The following ST6GALNAC3 variants were observed in gnomAD, a reference collection of about 807,000 sequenced individuals.
ST6GALNAC3 encodes ST6 N-acetylgalactosaminide alpha-2,6-sialyltransferase 3, also known as alpha-N-acetylgalactosaminide alpha-2,6-sialyltransferase 3.
In ST6GALNAC3, 25 loss-of-function variants were observed where a neutral mutation model predicts 32.7. The ratio of observed to expected loss-of-function variants is 0.76; its 90% CI spans 0.56 to 1.07. ST6GALNAC3 has a LOEUF of 1.07. Ranked by LOEUF, ST6GALNAC3 falls within the 50% of genes least tolerant of loss-of-function variation. The pLI is 0.00. For missense variants in ST6GALNAC3, 355 were observed against 382.4 expected, an observed-to-expected ratio of 0.93 and a Z score of 0.60; for synonymous variants, 129 against 133.1, an observed-to-expected ratio of 0.97 and a Z score of 0.21.
intron 1 of ST6GALNAC3, among the ~76,000 whole-genome samples, chr1:76,162,994 A>G (rs1259165771): frequency 1.3e-5 from 2 of 152,180 alleles, no homozygotes; most frequent in Non-Finnish European, 2.9e-5. Flanking sequence ...GAGCTGAGAA[A>G]AGTCCTGCGT....
At chr1:76,351,938 G>T (rs1490147746) in intron 2 of ST6GALNAC3, among the ~76,000 whole-genome samples, 1 of 152,072 alleles carries the variant, frequency 6.6e-6, no homozygotes. Flanking sequence ...AGGTTGGGGT[G>T]GGGGAAGGTC....
Position 76,547,147 on chromosome 1 carries a change from CT to C in ST6GALNAC3, c.624-80304del, listed in dbSNP as rs1012721671. Among the ~76,000 whole-genome samples the C allele has an allele frequency of 3.9e-4, 59 of 152,334 alleles. 1 individual carries two copies. The highest frequency in any genetic ancestry group is 1.4e-3 in the African/African-American group (59 of 41,586). On this transcript the variant is annotated intron_variant, in intron 3 of 4. Transcript: ENST00000328299. ...TTCTTCCAAGCCATAGGCTTCTTGC[CT>C]AAACCAGCACTCTGCCTACGCAGGT...
intron 1 of ST6GALNAC3, among the ~76,000 whole-genome samples, chr1:76,238,029 C>A (rs1165001698): frequency 1.3e-5 from 2 of 152,218 alleles, no homozygotes; most frequent in African/African-American, 4.8e-5. Flanking sequence ...TCCTGTCAAA[C>A]TGTCCAACAA....
At chr1:76,316,058 T>C (rs1477859573) in intron 2 of ST6GALNAC3, among the ~76,000 whole-genome samples, 1 of 150,130 alleles carries the variant, frequency 6.7e-6, no homozygotes, top group Non-Finnish European at 1.5e-5. Context: ...GAAAAATATT[T>C]AAAAATCACA....
intron 1 of ST6GALNAC3, among the ~76,000 whole-genome samples, chr1:76,226,907 C>G (rs1656108469): frequency 1.3e-5 from 2 of 152,156 alleles, no homozygotes; most frequent in South Asian, 4.1e-4. Context: ...GAAACTTTAT[C>G]AACTGGATTC....
chr1:76,434,784 GTTTTTTTTTTTTT>G (rs1211703628), intron 3 of ST6GALNAC3, among the ~76,000 whole-genome samples: 9 of 72,214 alleles, frequency 1.2e-4, no homozygotes, highest in African/African-American at 5.1e-4. Flanking sequence ...TTTTTTCTCT[GTTTTTTTTTTTTT>G]TTTTTTTTTT....
chr1:76,516,411 G>T (rs1216733988), intron 3 of ST6GALNAC3, among the ~76,000 whole-genome samples: 2 of 151,984 alleles, frequency 1.3e-5, no homozygotes, highest in African/African-American at 2.4e-5. Flanking sequence ...TTTAAAATAG[G>T]TTTTTATAAT....
At chr1:76,620,856 A>G (rs77741724) in intron 3 of ST6GALNAC3, among the ~76,000 whole-genome samples, 1,839 of 152,186 alleles carry the variant, frequency 0.012, 16 homozygotes, top group Middle Eastern at 0.031. Context: ...AAAGATTGCT[A>G]TCATCCTTCT....
chr1:76,441,296 T>A (rs1656585163), intron 3 of ST6GALNAC3, among the ~76,000 whole-genome samples: 1 of 152,134 alleles, frequency 6.6e-6, no homozygotes, highest in South Asian at 2.1e-4. Flanking sequence ...GTTTATTACC[T>A]ACATTATCTC....
intron 3 of ST6GALNAC3, among the ~76,000 whole-genome samples, chr1:76,501,306 C>G (rs1055488440): frequency 6.6e-6 from 1 of 152,164 alleles, no homozygotes; most frequent in Non-Finnish European, 1.5e-5. Context: ...TCACCAAAGC[C>G]CTGGTCACAC....
chr1:76,540,976 G>C (rs766155992), intron 3 of ST6GALNAC3, among the ~76,000 whole-genome samples: 17 of 152,154 alleles, frequency 1.1e-4, no homozygotes, highest in Non-Finnish European at 1.6e-4. Flanking sequence ...AGGTGCTTGG[G>C]AGCATAGAAA....
At chr1:76,444,334 A>T (rs1313604862) in intron 3 of ST6GALNAC3, among the ~76,000 whole-genome samples, 2 of 152,184 alleles carry the variant, frequency 1.3e-5, no homozygotes, top group African/African-American at 4.8e-5. Context: ...ATTCTCCCAG[A>T]TGGCTCCTAT....
At chr1:76,280,075 C>G (rs1456721556) in intron 1 of ST6GALNAC3, among the ~76,000 whole-genome samples, 1 of 152,006 alleles carries the variant, frequency 6.6e-6, no homozygotes, top group African/African-American at 2.4e-5. Flanking sequence ...TTCCTTCTCC[C>G]TCCACTTCTC....
intron 2 of ST6GALNAC3, among the ~76,000 whole-genome samples, chr1:76,341,670 TTTCTTTCTTTCC>T (rs1401993830): frequency 4.2e-5 from 6 of 142,400 alleles, no homozygotes; most frequent in Admixed American, 6.9e-5. Context: ...TCTTTCTTTC[TTTCTTTCTTTCC>T]TTCTTTCTTT....
chr1:76,468,951 C>CAGTGG (rs1351264791), intron 3 of ST6GALNAC3, among the ~76,000 whole-genome samples: 6 of 151,940 alleles, frequency 3.9e-5, no homozygotes. Flanking sequence ...CTTTCCTTGG[C>CAGTGG]CACTGAACCT....
At chr1:76,434,775 T>G (rs1163167686) in intron 3 of ST6GALNAC3, among the ~76,000 whole-genome samples, 1 of 149,760 alleles carries the variant, frequency 6.7e-6, no homozygotes, top group South Asian at 2.1e-4. Flanking sequence ...ACTGCCTTTT[T>G]TTTTCTCTGT....
At chr1:76,080,937 C>T (rs995943001) in intron 1 of ST6GALNAC3, among the ~76,000 whole-genome samples, 4 of 152,188 alleles carry the variant, frequency 2.6e-5, no homozygotes, top group Admixed American at 6.5e-5. Flanking sequence ...GCTTTTGCTA[C>T]GTATATCAGC....
At chr1:76,403,853 ATAG>A (rs1653613789) in intron 2 of ST6GALNAC3, among the ~76,000 whole-genome samples, 1 of 152,078 alleles carries the variant, frequency 6.6e-6, no homozygotes, top group African/African-American at 2.4e-5. Context: ...CTGTGACCTA[ATAG>A]TAATAATAGG....
intron 3 of ST6GALNAC3, among the ~76,000 whole-genome samples, chr1:76,591,958 G>A (rs1275448342): frequency 6.6e-6 from 1 of 152,170 alleles, no homozygotes; most frequent in Non-Finnish European, 1.5e-5. Context: ...GTTATTCTGA[G>A]TGGATCAAAC....
Sources: gnomAD v4.1 joint callset for allele counts (sites outside exome capture counted in the v4.1 genomes callset) on GRCh38, gnomAD v4.1.1 for gene constraint, MANE v1.5 for transcripts, NCBI Gene and HGNC (gene_info 2026-07-23, HGNC 2026-07-21) for gene names.